RALGPS1: variants seen among roughly 807,000 people sequenced by gnomAD.
RALGPS1 encodes ras-specific guanine nucleotide-releasing factor RalGPS1.
In RALGPS1, 19 loss-of-function variants were observed where a neutral mutation model predicts 78.8. The ratio of observed to expected loss-of-function variants is 0.24; its 90% CI spans 0.17 to 0.35. The LOEUF is 0.35. RALGPS1 is among the 10% of genes least tolerant of loss of function. The probability of loss-of-function intolerance (pLI) is 1.00; values close to 1 mark genes in which losing one functional copy is unlikely to be tolerated. For missense variants in RALGPS1, 454 were observed against 688.3 expected (o/e 0.66, Z 3.81); for synonymous variants, 228 against 256.3 (o/e 0.89, Z 1.06).
chr9:126,946,993 G>A (rs1042976900), intron 1 of RALGPS1, among the ~76,000 whole-genome samples: 3 of 152,144 alleles, frequency 2.0e-5, no homozygotes, highest in Non-Finnish European at 4.4e-5. Context: ...GGGAGATGGG[G>A]ACGCTCTAGC....
chr9:126,953,297 A>G (rs1274494569), intron 1 of RALGPS1, among the ~76,000 whole-genome samples: 1 of 152,098 alleles, frequency 6.6e-6, no homozygotes, highest in Admixed American at 6.5e-5. Context: ...CATGAGAATC[A>G]CTTTTTCTCC....
At chr9:127,050,416 C>T (rs542893328) in intron 6 of RALGPS1, among the ~76,000 whole-genome samples, 6 of 152,346 alleles carry the variant, frequency 3.9e-5, no homozygotes, top group East Asian at 1.9e-4. Context: ...ACAGTCTCTC[C>T]GCAAGGCAGG....
intron 5 of RALGPS1, among the ~76,000 whole-genome samples, chr9:127,048,936 A>G (rs2048053535): frequency 1.3e-5 from 2 of 152,358 alleles, no homozygotes; most frequent in South Asian, 4.1e-4. Flanking sequence ...TATAAAAAGC[A>G]CATTGTTGAT....
rs181685954 is a variant in RALGPS1 at position 126,954,180 on chromosome 9, C to T, written c.-65-8045C>T. Among the ~76,000 whole-genome samples the T allele has an allele frequency of 8.3e-4, 127 of 152,312 alleles. 1 individual carries two copies. Among genetic ancestry groups the T allele is most frequent in the Non-Finnish European group, 1.3e-3 (91 of 68,036 alleles). On this transcript the variant is annotated intron_variant, in intron 1 of 18. Transcript: ENST00000259351. ...ACCTAGTGGGTGGGTGTTGAATAAACGAATGAACTACCAAGCAGTGTGTGG... is the reference window on the plus strand; with the variant it reads ...ACCTAGTGGGTGGGTGTTGAATAAATGAATGAACTACCAAGCAGTGTGTGG...
intron 4 of RALGPS1, among the ~76,000 whole-genome samples, chr9:127,006,491 C>A (rs534465611): frequency 1.1e-4 from 16 of 152,242 alleles, no homozygotes; most frequent in African/African-American, 3.6e-4. Flanking sequence ...TTAGAAAAGG[C>A]AGGTTGACCA....
At chr9:127,175,565 G>A (rs1427040584) in intron 11 of RALGPS1, among the ~76,000 whole-genome samples, 1 of 151,974 alleles carries the variant, frequency 6.6e-6, no homozygotes, top group African/African-American at 2.4e-5. Context: ...GGCGTGGGGG[G>A]TCAAGGGGAA....
intron 4 of RALGPS1, 75 bp from the exon 5 acceptor site, chr9:127,034,355 TG>T: frequency 7.7e-7 from 1 of 1,292,272 alleles, no homozygotes; most frequent in Non-Finnish European, 1.1e-6. Flanking sequence ...TGCATGCTCA[TG>T]TTCCCATTTA....
At chr9:127,059,533 T>G (rs1000060252) in intron 7 of RALGPS1, among the ~76,000 whole-genome samples, 1 of 152,186 alleles carries the variant, frequency 6.6e-6, no homozygotes, top group African/African-American at 2.4e-5. Flanking sequence ...CCTCTTGACT[T>G]CTTTTGTTGC....
chr9:126,966,046 C>G, intron 3 of RALGPS1, 95 bp downstream of exon 3: 1 of 865,560 alleles, frequency 1.2e-6, no homozygotes, highest in South Asian at 1.4e-5. Context: ...TGGAAACATT[C>G]TATATGCCCA....
intron 4 of RALGPS1, among the ~76,000 whole-genome samples, 164 bp from the exon 5 acceptor site, chr9:127,034,267 G>A (rs541673218): frequency 6.6e-6 from 1 of 152,284 alleles, no homozygotes; most frequent in African/African-American, 2.4e-5. Flanking sequence ...AGGCTGCACT[G>A]TCACCTACAA....
At chr9:126,954,270 C>T (rs1409246972) in intron 1 of RALGPS1, among the ~76,000 whole-genome samples, 2 of 152,176 alleles carry the variant, frequency 1.3e-5, no homozygotes, top group African/African-American at 2.4e-5. Flanking sequence ...TGGTTCCTCT[C>T]TCTTCTTTTC....
At chr9:126,939,717 A>C (rs2131385620) in intron 1 of RALGPS1, among the ~76,000 whole-genome samples, 1 of 152,340 alleles carries the variant, frequency 6.6e-6, no homozygotes, top group East Asian at 1.9e-4. Flanking sequence ...AGTGAGTGAG[A>C]CAGACATAGA....
chr9:127,193,485 T>C (rs2061189591), intron 11 of RALGPS1, among the ~76,000 whole-genome samples: 1 of 152,092 alleles, frequency 6.6e-6, no homozygotes, highest in Admixed American at 6.5e-5. Flanking sequence ...AGAAGACAAC[T>C]CATGGGAAGT....
chr9:127,191,694 T>C (rs1028506690), intron 11 of RALGPS1, among the ~76,000 whole-genome samples: 1 of 118,742 alleles, frequency 8.4e-6, no homozygotes, highest in South Asian at 4.2e-4. Context: ...TTTTGGGTTT[T>C]TTTTTGTTTT....
At chr9:127,189,520 C>T (rs1384083314) in intron 11 of RALGPS1, among the ~76,000 whole-genome samples, 3 of 152,196 alleles carry the variant, frequency 2.0e-5, no homozygotes, top group African/African-American at 7.2e-5. Context: ...CACTGAGCTT[C>T]TACTACTCTA....
intron 5 of RALGPS1, among the ~76,000 whole-genome samples, chr9:127,042,158 A>G (rs1485473289): frequency 6.6e-6 from 1 of 152,214 alleles, no homozygotes; most frequent in Non-Finnish European, 1.5e-5. Flanking sequence ...GGTTAACTGA[A>G]TAAAGTTGTG....
chr9:126,975,893 C>T (rs914306150), intron 3 of RALGPS1, among the ~76,000 whole-genome samples: 3 of 152,156 alleles, frequency 2.0e-5, no homozygotes, highest in Non-Finnish European at 4.4e-5. Context: ...CACCTCTCAG[C>T]CAGGCTGGTG....
At chr9:126,927,932 A>C (rs2035451337) in intron 1 of RALGPS1, among the ~76,000 whole-genome samples, 1 of 152,014 alleles carries the variant, frequency 6.6e-6, no homozygotes, top group African/African-American at 2.4e-5. Flanking sequence ...TCCCTGGTCC[A>C]CTCTGTATCC....
chr9:127,147,466 A>G (rs2058158546), intron 8 of RALGPS1, among the ~76,000 whole-genome samples: 1 of 152,192 alleles, frequency 6.6e-6, no homozygotes, highest in East Asian at 1.9e-4. Flanking sequence ...TGACGTCAAG[A>G]AGAGTATTTC....
Sources: gnomAD v4.1 joint callset for allele counts (sites outside exome capture counted in the v4.1 genomes callset) on GRCh38, gnomAD v4.1.1 for gene constraint, MANE v1.5 for transcripts, NCBI Gene and HGNC (gene_info 2026-07-23, HGNC 2026-07-21) for gene names.